Variants in NFS1 observed in about 807,000 individuals in gnomAD.
The protein encoded by NFS1 is NFS1 cysteine desulfurase, also known as cysteine desulfurase.
Under a neutral mutation model 57.3 loss-of-function variants are expected in NFS1, and 26 were observed. The ratio of observed to expected loss-of-function variants is 0.45; its 90% CI spans 0.33 to 0.63. NFS1 has a LOEUF of 0.63. NFS1 is among the 20% of genes least tolerant of loss of function. The pLI is 0.02. For missense variants in NFS1, 505 were observed against 605.8 expected, an observed-to-expected ratio of 0.83 and a Z score of 1.75; for synonymous variants, 209 against 216.3, an observed-to-expected ratio of 0.97 and a Z score of 0.30.
chr20:35,690,325 C>A (rs2035020743), intron 5 of NFS1, 88 bp downstream of exon 5: 3 of 1,301,120 alleles, frequency 2.3e-6, no homozygotes, highest in East Asian at 4.6e-5. Context: ...TCTATTCCTT[C>A]AAGCTCCAGC....
chr20:35,687,461 A>C (rs1017311250), intron 5 of NFS1, among the ~76,000 whole-genome samples: 3 of 151,976 alleles, frequency 2.0e-5, no homozygotes, highest in African/African-American at 7.2e-5. Flanking sequence ...CAGGCAGGGA[A>C]GGGCCCCCTG....
chr20:35,671,610 C>G (rs923615527), intron 12 of NFS1, among the ~76,000 whole-genome samples: 2 of 151,450 alleles, frequency 1.3e-5, no homozygotes, highest in African/African-American at 4.9e-5. Flanking sequence ...ACTACCTGGG[C>G]CAGGTGCGGT....
chr20:35,676,758 G>GAAAAAA (rs746820595), intron 7 of NFS1, among the ~76,000 whole-genome samples: 19 of 18,126 alleles, frequency 1.0e-3, no homozygotes, highest in African/African-American at 3.8e-3. Context: ...GAGAAAATCA[G>GAAAAAA]AAAAAAAAAA....
intron 4 of NFS1, among the ~76,000 whole-genome samples, 179 bp from the exon 5 acceptor site, chr20:35,690,744 C>T (rs901059356): frequency 8.5e-5 from 13 of 152,132 alleles, no homozygotes; most frequent in Non-Finnish European, 2.9e-5. Context: ...AGTGAAAACC[C>T]CATGGGTTAA....
In NFS1 at chr20:35,696,382, T is replaced by C. The variant is rs2035133842; in HGVS notation, c.403A>G (p.Ile135Val). 5 of 1,611,312 alleles carry C rather than the reference T, an allele frequency of 3.1e-6. No individual in the cohort carries two copies. The highest frequency in any genetic ancestry group is 3.4e-6 in the Non-Finnish European group (4 of 1,177,394). Residue 135 changes from isoleucine (I) to valine (V), a missense_variant, in exon 4 of 13, where the codon ATT becomes GTT. Physicochemically the swap from Ile to Val is conservative, Grantham distance 29 (BLOSUM62 3). Coordinates refer to ENST00000374092, the MANE Select transcript of NFS1 (RefSeq NM_021100.5). ...CTCTGGTTCCCTTCTCTTACCTTAA[T>C]TGCTATGTTGTTGGATTCAGTAGCA... ...SGATESNNIA[I>V]KGVARFYRSR...
intron 2 of NFS1, 59 bp downstream of exon 2, chr20:35,698,422 C>G (rs1444742765): frequency 8.8e-6 from 11 of 1,254,902 alleles, no homozygotes; most frequent in Non-Finnish European, 1.2e-5. Flanking sequence ...CATTTCTTTG[C>G]GTGATCACGC....
chr20:35,684,336 A>G (rs1250004099), intron 5 of NFS1, among the ~76,000 whole-genome samples: 1 of 151,630 alleles, frequency 6.6e-6, no homozygotes, highest in Non-Finnish European at 1.5e-5. Flanking sequence ...TGAACCTGGG[A>G]GGCGGAGGTT....
At chr20:35,687,061 T>C (rs2034956846) in intron 5 of NFS1, among the ~76,000 whole-genome samples, 1 of 152,154 alleles carries the variant, frequency 6.6e-6, no homozygotes, top group South Asian at 2.1e-4. Context: ...CGCCAGCATC[T>C]GGGAAGACGC....
chr20:35,698,248 T>G (rs982629686), intron 2 of NFS1, among the ~76,000 whole-genome samples: 2 of 152,382 alleles, frequency 1.3e-5, no homozygotes, highest in Admixed American at 1.3e-4. Flanking sequence ...GAGCCCATGC[T>G]TTTAACTAAT....
chr20:35,674,897 A>G, intron 8 of NFS1, 148 bp downstream of exon 8: 1 of 1,070,032 alleles, frequency 9.3e-7, no homozygotes, highest in Non-Finnish European at 1.4e-6. Flanking sequence ...TCTCCCTCAG[A>G]ACAAGGTGCC....
intron 9 of NFS1, 31 bp from the exon 10 acceptor site, chr20:35,674,462 TCA>T: frequency 6.2e-7 from 1 of 1,611,640 alleles, no homozygotes; most frequent in Non-Finnish European, 8.5e-7. Context: ...GAGAGAGGTC[TCA>T]GAGTCTCAGC....
chr20:35,699,023 G>A lies in NFS1; in HGVS notation c.97+169C>T, dbSNP rs1465587336. 3.8e-6 allele frequency: 5 copies of A among 1,326,896 alleles called. No homozygotes were observed. The highest frequency in any genetic ancestry group is 3.8e-6 in the Non-Finnish European group (4 of 1,042,160). The allele number at this position is 1,326,896 out of a possible 1,614,324, so 82.2% of individuals were successfully genotyped here. A position where few individuals can be genotyped will look rare whatever the true frequency, so the allele number is the denominator to read the frequency against. ...CAGGGTGCGAGGGGTGGTGCGCCGG[G>A]GTCAACCGTTCGGGGACCCGCCTAA... On this transcript the variant is annotated intron_variant, in intron 1 of 12. Coordinates refer to ENST00000374092, the MANE Select transcript of NFS1 (RefSeq NM_021100.5). The surrounding 1 kb of genome is among the most constrained non-coding windows in gnomAD (Gnocchi z 4.4).
chr20:35,683,110 A>T (rs189106142), intron 5 of NFS1, among the ~76,000 whole-genome samples: 63 of 151,722 alleles, frequency 4.2e-4, no homozygotes, highest in African/African-American at 1.5e-3. Context: ...AAAAAAACAA[A>T]AACAAAAATA....
intron 6 of NFS1, among the ~76,000 whole-genome samples, chr20:35,681,628 G>A (rs1264608937): frequency 6.6e-6 from 1 of 152,126 alleles, no homozygotes; most frequent in Non-Finnish European, 1.5e-5. Context: ...AACCCAGAGT[G>A]AGGAGGTTGC....
chr20:35,699,244 T>C lies in NFS1; in HGVS notation c.45A>G (p.Thr15=). ...AAWRRAAVAV[T]AAPGPKPAAP... Reference sequence around the variant, plus strand: ...CCGCGGGCTTCGGCCCTGGAGCCGCTGTCACCGCCACTGCCGCCCGCCTCC... The same window carrying C: ...CCGCGGGCTTCGGCCCTGGAGCCGCCGTCACCGCCACTGCCGCCCGCCTCC... The change falls in exon 1 of 13, where the codon ACA becomes ACG. Residue 15 remains threonine (T), a synonymous_variant. Transcript: ENST00000374092. The surrounding 1 kb of genome is among the most constrained non-coding windows in gnomAD (Gnocchi z 4.4). The C allele has an allele frequency of 7.0e-7, 1 of 1,428,612 alleles. No homozygotes were observed. The highest frequency in any genetic ancestry group is 9.1e-7 in the Non-Finnish European group (1 of 1,100,338). The allele number at this position is 1,428,612 out of a possible 1,614,324, so 88.5% of individuals were successfully genotyped here.
At chr20:35,694,319 A>AT (rs1361063580) in intron 4 of NFS1, among the ~76,000 whole-genome samples, 1 of 151,924 alleles carries the variant, frequency 6.6e-6, no homozygotes, top group African/African-American at 2.4e-5. Context: ...TAGTTTTTGC[A>AT]TTTTTAGTAG....
chr20:35,692,386 T>A (rs761576562), intron 4 of NFS1: 24 of 178,052 alleles, frequency 1.3e-4, no homozygotes, highest in Admixed American at 2.0e-4. Flanking sequence ...AATAAATAAA[T>A]AAATTAATTA....
At chr20:35,675,368 A>T in intron 7 of NFS1, 166 bp from the exon 8 acceptor site, 1 of 711,238 alleles carries the variant, frequency 1.4e-6, no homozygotes, top group Non-Finnish European at 2.3e-6. Flanking sequence ...AAAGCATAGT[A>T]TTTAGTAAAA....
At chr20:35,685,633 C>A (rs1445005669) in intron 5 of NFS1, among the ~76,000 whole-genome samples, 1 of 148,598 alleles carries the variant, frequency 6.7e-6, no homozygotes, top group Non-Finnish European at 1.5e-5. Flanking sequence ...CCGAGACAGG[C>A]GGATCACCTG....
Sources: allele counts gnomAD v4.1 joint callset (sites outside exome capture counted in the v4.1 genomes callset), GRCh38; gene constraint gnomAD v4.1.1; non-coding constraint Gnocchi (gnomAD v3.1); transcripts MANE v1.5; gene names NCBI Gene and HGNC (gene_info 2026-07-23, HGNC 2026-07-21).